ITFG1: variants seen among roughly 807,000 people sequenced by gnomAD.
ITFG1 encodes integrin alpha FG-GAP repeat containing 1.
ITFG1 carries 34 observed loss-of-function variants against 81.8 expected under a neutral mutation model. The observed-to-expected ratio is 0.42, with a 90% CI of 0.32 to 0.55. The LOEUF (loss-of-function observed/expected upper bound fraction) is 0.55, where lower values mean the gene tolerates loss of function less well. ITFG1 is among the 20% of genes least tolerant of loss of function. The pLI is 0.17. For synonymous variants in ITFG1, 285 were observed against 270.6 expected, an observed-to-expected ratio of 1.05 and a Z score of -0.52; for missense variants, 672 against 755.4, an observed-to-expected ratio of 0.89 and a Z score of 1.29.
chr16:47,312,522 AG>A (rs981894613), intron 9 of ITFG1: 2 of 152,174 alleles, frequency 1.3e-5, no homozygotes, highest in Non-Finnish European at 2.9e-5. Context: ...TTAAAAAAAA[AG>A]GTATGCATCT....
chr16:47,407,912 T>G (rs1968749903), intron 6 of ITFG1, among the ~76,000 whole-genome samples: 1 of 152,096 alleles, frequency 6.6e-6, no homozygotes, highest in African/African-American at 2.4e-5. Flanking sequence ...TGGTGCTTAT[T>G]AAAGCCATGA....
chr16:47,227,222 G>A (rs1389751042), intron 13 of ITFG1, among the ~76,000 whole-genome samples: 4 of 152,076 alleles, frequency 2.6e-5, no homozygotes, highest in African/African-American at 7.2e-5. Flanking sequence ...ACTAAAAATA[G>A]TTATGCTCAT....
intron 8 of ITFG1, among the ~76,000 whole-genome samples, chr16:47,328,482 A>G (rs1487110246): frequency 6.6e-6 from 1 of 150,854 alleles, no homozygotes; most frequent in Non-Finnish European, 1.5e-5. Flanking sequence ...AATAATAATA[A>G]AAAAAATCAA....
chr16:47,371,808 A>T (rs1968257847), intron 7 of ITFG1, among the ~76,000 whole-genome samples: 1 of 152,164 alleles, frequency 6.6e-6, no homozygotes, highest in African/African-American at 2.4e-5. Context: ...ACAATGAACA[A>T]GACAGTTCTT....
chr16:47,326,070 C>A (rs1463236427), intron 8 of ITFG1, among the ~76,000 whole-genome samples: 1 of 152,168 alleles, frequency 6.6e-6, no homozygotes. Context: ...ATGCACAAAT[C>A]CTCAATAAAA....
At chr16:47,239,146 C>G (rs908148637) in intron 12 of ITFG1, among the ~76,000 whole-genome samples, 6 of 152,060 alleles carry the variant, frequency 3.9e-5, no homozygotes, top group African/African-American at 1.2e-4. Context: ...CTTGGACTTC[C>G]CAGCCTCAAG....
At chr16:47,295,320 C>A (rs1228542514) in intron 10 of ITFG1, among the ~76,000 whole-genome samples, 1 of 152,158 alleles carries the variant, frequency 6.6e-6, no homozygotes. Flanking sequence ...ATAACAATTT[C>A]ATATAATGAG....
intron 6 of ITFG1, among the ~76,000 whole-genome samples, chr16:47,411,662 C>A (rs1968812579): frequency 6.6e-6 from 1 of 152,098 alleles, no homozygotes; most frequent in Admixed American, 6.6e-5. Context: ...ACCTTTGACT[C>A]GGACAACCAC....
chr16:47,411,246 C>T (rs1272315141), intron 6 of ITFG1, among the ~76,000 whole-genome samples: 1 of 152,290 alleles, frequency 6.6e-6, no homozygotes, highest in African/African-American at 2.4e-5. Context: ...GGGCATGCCT[C>T]CTTCCACAGG....
chr16:47,241,429 A>G (rs1366012360), intron 12 of ITFG1, among the ~76,000 whole-genome samples: 1 of 152,260 alleles, frequency 6.6e-6, no homozygotes, highest in East Asian at 1.9e-4. Context: ...GATAAACAAA[A>G]TCTGGAATAT....
chr16:47,326,726 G>T (rs896578262), intron 8 of ITFG1, among the ~76,000 whole-genome samples: 1 of 151,962 alleles, frequency 6.6e-6, no homozygotes, highest in Non-Finnish European at 1.5e-5. Flanking sequence ...CATTCACAAT[G>T]GCTTCAAAGA....
chr16:47,240,876 T>C (rs902472169), intron 12 of ITFG1, among the ~76,000 whole-genome samples: 2 of 150,856 alleles, frequency 1.3e-5, no homozygotes, highest in African/African-American at 4.9e-5. Context: ...TAGTGGGGAG[T>C]AGGGGAAAGG....
intron 14 of ITFG1, among the ~76,000 whole-genome samples, chr16:47,215,481 T>C (rs1965614676): frequency 6.6e-6 from 1 of 152,174 alleles, no homozygotes; most frequent in Non-Finnish European, 1.5e-5. Flanking sequence ...TGCAAAGAAA[T>C]ATATAAAATC....
At chr16:47,340,822 C>T (rs527581674) in intron 8 of ITFG1, among the ~76,000 whole-genome samples, 3 of 152,112 alleles carry the variant, frequency 2.0e-5, no homozygotes, top group Admixed American at 6.5e-5. Context: ...AAAGAATGGG[C>T]AACAATGCCG....
chr16:47,191,159 G>A (rs1965287565), intron 14 of ITFG1, among the ~76,000 whole-genome samples: 1 of 152,178 alleles, frequency 6.6e-6, no homozygotes, highest in African/African-American at 2.4e-5. Context: ...GTTCATTAAG[G>A]TAAACTGTAT....
chr16:47,192,428 A>G (rs1254067796), intron 14 of ITFG1, among the ~76,000 whole-genome samples: 1 of 152,192 alleles, frequency 6.6e-6, no homozygotes, highest in Non-Finnish European at 1.5e-5. Flanking sequence ...TGACTTCTTC[A>G]TCCTCTCATT....
At chr16:47,338,632 A>T (rs1195363117) in intron 8 of ITFG1, among the ~76,000 whole-genome samples, 2 of 152,134 alleles carry the variant, frequency 1.3e-5, no homozygotes, top group East Asian at 3.8e-4. Flanking sequence ...CCTAGGCATC[A>T]GACTTACCAG....
At chr16:47,236,255 C>A (rs1044820348) in intron 13 of ITFG1, among the ~76,000 whole-genome samples, 1 of 152,016 alleles carries the variant, frequency 6.6e-6, no homozygotes, top group Non-Finnish European at 1.5e-5. Context: ...GCAGGCGGAT[C>A]ACGAGGTCAG....
chr16:47,232,797 C>A lies in ITFG1; in HGVS notation c.1374+5168G>T, dbSNP rs562757683. 2.0e-5 allele frequency among the ~76,000 whole-genome samples: 3 copies of A among 152,036 alleles called. No individual in the cohort carries two copies. The South Asian group carries it at 6.2e-4, about 32-fold the overall frequency. On this transcript the variant is annotated intron_variant, in intron 13 of 17. Coordinates refer to ENST00000320640, the MANE Select transcript of ITFG1 (RefSeq NM_030790.5). ...GCTCGGGTACAGGTGCACACCACCA[C>A]ACCCAGGTAATTTTTGTATTTTTTG... is the stretch of plus-strand genomic sequence containing the variant.
Sources: allele counts gnomAD v4.1 joint callset (sites outside exome capture counted in the v4.1 genomes callset), GRCh38; gene constraint gnomAD v4.1.1; transcripts MANE v1.5; gene names NCBI Gene and HGNC (gene_info 2026-07-23, HGNC 2026-07-21).